The following PCDHGA3 variants were observed in gnomAD, a reference collection of about 807,000 sequenced individuals.
PCDHGA3 encodes the protein protocadherin gamma-A3.
Under a neutral mutation model 58.5 loss-of-function variants are expected in PCDHGA3, and 40 were observed. The observed-to-expected ratio is 0.68, with a 90% CI of 0.53 to 0.89. The LOEUF (loss-of-function observed/expected upper bound fraction) is 0.89, where lower values mean the gene tolerates loss of function less well. Ranked by LOEUF, PCDHGA3 falls within the 40% of genes least tolerant of loss-of-function variation. PCDHGA3 has a pLI of 0.00. For missense variants in PCDHGA3, 1,223 were observed against 1,195.9 expected (o/e 1.02, Z -0.33); for synonymous variants, 530 against 525.7 (o/e 1.01, Z -0.11).
intron 1 of PCDHGA3, chr5:141,439,807 G>A (rs2098132839): frequency 6.6e-6 from 1 of 152,336 alleles, no homozygotes; most frequent in African/African-American, 2.4e-5. Context: ...AGTTTGAAAA[G>A]GGGCTTATTT....
intron 1 of PCDHGA3, chr5:141,384,667 A>G: frequency 6.2e-7 from 1 of 1,614,186 alleles, no homozygotes. Context: ...CCTGGTGACC[A>G]AGGTGGTGGC....
chr5:141,417,699 C>G, intron 1 of PCDHGA3: 1 of 1,164,548 alleles, frequency 8.6e-7, no homozygotes. Context: ...AACCAGCTCC[C>G]ACACAGAGGC....
At chr5:141,392,994 A>T in intron 1 of PCDHGA3, 1 of 1,613,910 alleles carries the variant, frequency 6.2e-7, no homozygotes, top group Non-Finnish European at 8.5e-7. Context: ...GAAGCTGGCG[A>T]AGCACGGAGT....
chr5:141,478,635 A>T, intron 1 of PCDHGA3: 1 of 1,552,830 alleles, frequency 6.4e-7, no homozygotes, highest in Non-Finnish European at 8.7e-7. Context: ...TTTTTTAGTG[A>T]TGAAGATGTT....
At chr5:141,422,546 GGC>G in intron 1 of PCDHGA3, 8 of 1,613,972 alleles carry the variant, frequency 5.0e-6, no homozygotes, top group Non-Finnish European at 6.8e-6. Flanking sequence ...ACTCATGTCT[GGC>G]TGAATGTGGC....
intron 1 of PCDHGA3, among the ~76,000 whole-genome samples, chr5:141,467,665 G>T (rs1205474808): frequency 4.6e-5 from 7 of 152,040 alleles, no homozygotes; most frequent in Non-Finnish European, 1.0e-4. Flanking sequence ...AGTGCCAGAA[G>T]ATTTTTATTT....
At chr5:141,360,913 T>G in intron 1 of PCDHGA3, 1 of 1,614,030 alleles carries the variant, frequency 6.2e-7, no homozygotes, top group Non-Finnish European at 8.5e-7. Flanking sequence ...GCCGGGCTTC[T>G]TTGTGCTTCA....
chr5:141,506,253 G>A (rs1332023284), intron 3 of PCDHGA3, among the ~76,000 whole-genome samples: 2 of 151,862 alleles, frequency 1.3e-5, no homozygotes, highest in Non-Finnish European at 2.9e-5. Flanking sequence ...GTTCGAAACC[G>A]GCCTGGCCAA....
chr5:141,348,457 A>G (rs540291919), intron 1 of PCDHGA3, among the ~76,000 whole-genome samples: 6 of 152,342 alleles, frequency 3.9e-5, no homozygotes, highest in African/African-American at 1.4e-4. Context: ...AAAAATGTTT[A>G]TAGTATTAGT....
intron 1 of PCDHGA3, chr5:141,366,380 C>T: frequency 6.2e-7 from 1 of 1,614,106 alleles, no homozygotes; most frequent in Non-Finnish European, 8.5e-7. Flanking sequence ...CCCCATTGAC[C>T]CTGAGGATCT....
At chr5:141,423,707 G>A in intron 1 of PCDHGA3, 1 of 1,164,238 alleles carries the variant, frequency 8.6e-7, no homozygotes, top group Non-Finnish European at 1.1e-6. Flanking sequence ...CTTGGCACAA[G>A]TCTTTTAAGG....
rs1435378035 is a variant in PCDHGA3 at position 141,355,865 on chromosome 5, G to A, written c.2424+9408G>A. 15 of 1,612,534 alleles carry A rather than the reference G, an allele frequency of 9.3e-6. No individual in the cohort carries two copies. The highest frequency in any genetic ancestry group is 1.3e-5 in the African/African-American group (1 of 74,890). On this transcript the variant is annotated intron_variant, in intron 1 of 3. Transcript: ENST00000253812. ...GCCTTCGATGGAGGTGACCCGGTTC[G>A]CTCTGGCACTGCCAGGATTCTCATA... is the stretch of plus-strand genomic sequence containing the variant.
chr5:141,394,987 T>G (rs2093144127), intron 1 of PCDHGA3: 1 of 1,613,874 alleles, frequency 6.2e-7, no homozygotes, highest in South Asian at 1.1e-5. Context: ...TCACGCCTGC[T>G]CCAGGATTCC....
At chr5:141,393,867 T>G in intron 1 of PCDHGA3, 1 of 1,614,000 alleles carries the variant, frequency 6.2e-7, no homozygotes. Context: ...CATTACGTCT[T>G]TGTTTAGCCC....
intron 1 of PCDHGA3, chr5:141,419,506 C>A (rs527369615): frequency 6.2e-6 from 10 of 1,612,352 alleles, no homozygotes; most frequent in Middle Eastern, 1.7e-4. Context: ...TGAGCCTGCG[C>A]GTGTTGGTGG....
chr5:141,383,406 T>G lies in PCDHGA3; in HGVS notation c.2424+36949T>G, dbSNP rs780989648. 25 of 1,613,866 alleles carry G rather than the reference T, an allele frequency of 1.5e-5. No individual in the cohort carries two copies. In the African/African-American group the frequency reaches 3.2e-4, roughly 21 times the overall value. ...ATGTGGGCACGAACTCCCTCCAGAG[T>G]TACCAGCTCAGCCCCAATCGCCACT... On this transcript the variant is annotated intron_variant, in intron 1 of 3. Coordinates refer to ENST00000253812, the MANE Select transcript of PCDHGA3 (RefSeq NM_018916.4).
chr5:141,433,199 ATCT>A (rs1202688924), intron 1 of PCDHGA3: 4 of 1,579,570 alleles, frequency 2.5e-6, no homozygotes, highest in East Asian at 2.2e-5. Context: ...TTTATATCAA[ATCT>A]TCTTTCTTTT....
At chr5:141,417,423 C>T (rs1252792899) in intron 1 of PCDHGA3, 1 of 159,686 alleles carries the variant, frequency 6.3e-6, no homozygotes, top group African/African-American at 2.4e-5. Context: ...TATGTAAATT[C>T]AGTAAATAAA....
At chr5:141,374,447 G>C in intron 1 of PCDHGA3, 1 of 1,613,798 alleles carries the variant, frequency 6.2e-7, no homozygotes, top group Non-Finnish European at 8.5e-7. Flanking sequence ...CGTGGAAGTG[G>C]AAATAGTGGA....
Sources: gnomAD v4.1 joint callset for allele counts (sites outside exome capture counted in the v4.1 genomes callset) on GRCh38, gnomAD v4.1.1 for gene constraint, MANE v1.5 for transcripts, NCBI Gene and HGNC (gene_info 2026-07-23, HGNC 2026-07-21) for gene names.